Variants in STK31 observed in about 807,000 individuals in gnomAD.
STK31 encodes the protein serine/threonine kinase 31, also known as serine/threonine-protein kinase 31.
Under a neutral mutation model 129.7 loss-of-function variants are expected in STK31, and 89 were observed. The observed-to-expected ratio is 0.69, with a 90% CI of 0.58 to 0.82. STK31 has a LOEUF of 0.82. Ranked by LOEUF, STK31 falls within the 40% of genes least tolerant of loss-of-function variation. The pLI is 0.00. For synonymous variants in STK31, 448 were observed against 395.3 expected, an observed-to-expected ratio of 1.13 and a Z score of -1.58; for missense variants, 1,187 against 1,176.4, an observed-to-expected ratio of 1.01 and a Z score of -0.13.
At chr7:23,765,228 G>C (rs901900691) in intron 11 of STK31, among the ~76,000 whole-genome samples, 1 of 151,810 alleles carries the variant, frequency 6.6e-6, no homozygotes, top group African/African-American at 2.4e-5. Context: ...CTAATTTTTT[G>C]TATTTTAGTA....
At chr7:23,822,190 A>G (rs1793823890) in intron 23 of STK31, among the ~76,000 whole-genome samples, 1 of 152,020 alleles carries the variant, frequency 6.6e-6, no homozygotes. Context: ...TGCTATTTTG[A>G]TAGGGATTGC....
intron 4 of STK31, among the ~76,000 whole-genome samples, chr7:23,717,919 A>G (rs1182533567): frequency 1.3e-5 from 2 of 152,152 alleles, no homozygotes; most frequent in Admixed American, 1.3e-4. Flanking sequence ...GATGGTTATC[A>G]GGGACTGGGG....
chr7:23,710,631 A>G (rs1294178611), intron 1 of STK31: 1 of 1,232,150 alleles, frequency 8.1e-7, no homozygotes. Flanking sequence ...AAGTTTCAAA[A>G]TCCCTTATAA....
At chr7:23,788,611 CAGAAT>C (rs1478079148) in intron 21 of STK31, among the ~76,000 whole-genome samples, 1 of 152,044 alleles carries the variant, frequency 6.6e-6, no homozygotes, top group Non-Finnish European at 1.5e-5. Context: ...CATATTACCT[CAGAAT>C]AGGCAGTTTG....
Position 23,737,048 on chromosome 7 carries a change from G to T in STK31, c.987G>T (p.Leu329Phe), listed in dbSNP as rs777970063. The change falls in exon 8 of 24, where the codon TTG becomes TTT. Residue 329 changes from leucine to phenylalanine, a missense_variant. This residue lies in a region of STK31 where 975 missense variants were observed against 934.9 expected (regional missense o/e 1.04). Transcript: ENST00000355870. ...ALLESYKALELKVEQIAQELQ... is the reference protein window; with the variant it reads ...ALLESYKALEFKVEQIAQELQ... ...TTGAAAGTTATAAGGCGTTAGAATT[G>T]AAAGTAGAGCAGATTGCCCAGGAGC... 1.9e-6 allele frequency: 3 copies of T among 1,610,100 alleles called. No individual in the cohort carries two copies. The highest frequency in any genetic ancestry group is 1.7e-6 in the Non-Finnish European group (2 of 1,179,374).
intron 11 of STK31, among the ~76,000 whole-genome samples, chr7:23,765,962 C>T (rs188375972): frequency 4.6e-5 from 7 of 152,256 alleles, no homozygotes; most frequent in Admixed American, 1.3e-4. Flanking sequence ...ATTTTAGTCA[C>T]GGGTTATTAT....
intron 4 of STK31, chr7:23,726,180 T>C (rs1254563054): frequency 1.3e-5 from 2 of 152,058 alleles, no homozygotes; most frequent in Non-Finnish European, 2.9e-5. Flanking sequence ...ATAGACACCT[T>C]CAGGAGACAT....
At chr7:23,713,087 A>G (rs1473326689) in intron 3 of STK31, among the ~76,000 whole-genome samples, 1 of 152,216 alleles carries the variant, frequency 6.6e-6, no homozygotes, top group African/African-American at 2.4e-5. Context: ...GGATACATAC[A>G]GAGAAATGCA....
chr7:23,746,988 C>G (rs970373515), intron 8 of STK31, among the ~76,000 whole-genome samples: 1 of 151,986 alleles, frequency 6.6e-6, no homozygotes, highest in Non-Finnish European at 1.5e-5. Flanking sequence ...TGAGAAAAAT[C>G]TGTTTGTAAG....
chr7:23,778,373 A>G (rs1790693452), intron 15 of STK31, among the ~76,000 whole-genome samples: 1 of 152,074 alleles, frequency 6.6e-6, no homozygotes, highest in Non-Finnish European at 1.5e-5. Flanking sequence ...CTGAATTTGA[A>G]TGTTGACCTG....
At chr7:23,801,506 C>A (rs1792366235) in intron 22 of STK31, among the ~76,000 whole-genome samples, 1 of 151,616 alleles carries the variant, frequency 6.6e-6, no homozygotes, top group African/African-American at 2.4e-5. Context: ...TTTTTATTTT[C>A]TTTTCAGTGT....
chr7:23,808,262 C>A (rs1490879586), intron 22 of STK31, among the ~76,000 whole-genome samples: 1 of 151,556 alleles, frequency 6.6e-6, no homozygotes, highest in Non-Finnish European at 1.5e-5. Context: ...TGACATCACC[C>A]CAGCAAAAGT....
At chr7:23,785,739 G>T in intron 18 of STK31, 136 bp downstream of exon 18, 1 of 1,132,396 alleles carries the variant, frequency 8.8e-7, no homozygotes, top group Non-Finnish European at 1.2e-6. Context: ...AATTGTGCTT[G>T]TAGTTTGGTT....
chr7:23,762,759 C>G, intron 10 of STK31, 42 bp from the exon 11 acceptor site: 2 of 1,599,436 alleles, frequency 1.3e-6, no homozygotes, highest in Non-Finnish European at 1.7e-6. Context: ...GCGGAAAAGA[C>G]CTGATGTATT....
At chr7:23,813,698 AG>A (rs2128126751) in intron 22 of STK31, among the ~76,000 whole-genome samples, 1 of 152,308 alleles carries the variant, frequency 6.6e-6, no homozygotes, top group Non-Finnish European at 1.5e-5. Flanking sequence ...GAACTTTTCA[AG>A]GCTGAACTGC....
At position 23,712,121 on chromosome 7, in the gene STK31, G is replaced by A. The variant is rs1386196312; in HGVS notation, c.73G>A (p.Asp25Asn). 6.2e-7 allele frequency: 1 copy of A among 1,611,570 alleles called. No homozygotes were observed. The highest frequency in any genetic ancestry group is 8.5e-7 in the Non-Finnish European group (1 of 1,177,986). ...TAGTTTTTCAGGAATTGTTCAAATG[G>A]ATGAAGATACACATTACGATAAAGG... ...SVSFSGIVQM[D>N]EDTHYDKVED... The change falls in exon 2 of 24, where the codon GAT becomes AAT. Residue 25 changes from aspartate (D) to asparagine (N), a missense_variant. Physicochemically the swap from Asp to Asn is conservative, Grantham distance 23 (BLOSUM62 1). Transcript: ENST00000355870.
chr7:23,786,425 G>A, intron 18 of STK31, 83 bp from the exon 19 acceptor site: 1 of 1,292,138 alleles, frequency 7.7e-7, no homozygotes. Flanking sequence ...TTAAAATAAT[G>A]AATTATGTTT....
intron 10 of STK31, among the ~76,000 whole-genome samples, chr7:23,758,764 A>G (rs1789268873): frequency 6.6e-6 from 1 of 152,154 alleles, no homozygotes; most frequent in Non-Finnish European, 1.5e-5. Context: ...TTCAGTTTCC[A>G]TGACATTGTG....
chr7:23,762,094 A>G lies in STK31; in HGVS notation c.1294-707A>G, dbSNP rs147481832. ...GATTAAAACTTTTTTATTTTATTTC[A>G]TTTTATTATTATTTTACTTTTAGGG... On this transcript the variant is annotated intron_variant, in intron 10 of 23. Transcript: ENST00000355870. 3.5e-3 allele frequency among the ~76,000 whole-genome samples: 537 copies of G among 151,650 alleles called. 9 individuals carry two copies. Among genetic ancestry groups the G allele is most frequent in the African/African-American group, 0.012 (490 of 41,430 alleles).
Sources: allele counts gnomAD v4.1 joint callset (sites outside exome capture counted in the v4.1 genomes callset), GRCh38; gene constraint gnomAD v4.1.1; regional missense constraint gnomAD v4.1.1; transcripts MANE v1.5; gene names NCBI Gene and HGNC (gene_info 2026-07-23, HGNC 2026-07-21).